NRK: variants seen among roughly 807,000 people sequenced by gnomAD.
The protein encoded by NRK is nik-related protein kinase.
Under a neutral mutation model 125.2 loss-of-function variants are expected in NRK, and 67 were observed. The observed-to-expected ratio is 0.54, with a 90% CI of 0.44 to 0.66. The LOEUF is 0.66. NRK is among the 30% of genes least tolerant of loss of function. The pLI, the probability that NRK is intolerant of heterozygous loss-of-function variation, is 0.00. For missense variants in NRK, 1,224 were observed against 1,192.9 expected, an observed-to-expected ratio of 1.03 and a Z score of -0.38; for synonymous variants, 458 against 429.0, an observed-to-expected ratio of 1.07 and a Z score of -0.84.
chrX:105,852,634 T>A (rs994956474), intron 2 of NRK, among the ~76,000 whole-genome samples: 9 of 111,530 alleles, frequency 8.1e-5, no homozygotes, highest in Non-Finnish European at 1.3e-4. Flanking sequence ...GCAGCAGGAT[T>A]TGAACAAAGC....
chrX:105,844,122 G>A (rs2039371250), intron 2 of NRK, among the ~76,000 whole-genome samples: 1 of 108,351 alleles, frequency 9.2e-6, no homozygotes, highest in East Asian at 2.9e-4. Context: ...TGAACAGTTA[G>A]TCACCATATG....
intron 19 of NRK, among the ~76,000 whole-genome samples, chrX:105,930,358 G>T (rs1208298460): frequency 9.2e-6 from 1 of 108,913 alleles, no homozygotes; most frequent in Non-Finnish European, 1.9e-5. Context: ...AGCTATTGAA[G>T]CTCTGTATTG....
At chrX:105,872,567 A>G (rs1214107632) in intron 2 of NRK, among the ~76,000 whole-genome samples, 1 of 110,833 alleles carries the variant, frequency 9.0e-6, no homozygotes, top group Non-Finnish European at 1.9e-5. Flanking sequence ...ACTACTACCA[A>G]TCTGTGGTAG....
chrX:105,856,420 C>T (rs2039532429), intron 2 of NRK, among the ~76,000 whole-genome samples: 1 of 112,113 alleles, frequency 8.9e-6, no homozygotes, highest in East Asian at 2.8e-4. Flanking sequence ...TATTTGATAA[C>T]ATTTGAATGT....
chrX:105,827,395 C>G (rs906953830), intron 1 of NRK, among the ~76,000 whole-genome samples: 2 of 111,940 alleles, frequency 1.8e-5, no homozygotes, highest in Non-Finnish European at 3.8e-5. Flanking sequence ...TTTCTTGCTA[C>G]TCATGTTGAC....
chrX:105,915,717 T>C lies in NRK; in HGVS notation c.2350-13T>C. ...TCAAGAATTCTACTGAAGTATTGCA[T>C]TGTGTCTTTAAGGTTCAAGAGAGAT... is the stretch of plus-strand genomic sequence containing the variant. On this transcript the variant is annotated splice_polypyrimidine_tract_variant and intron_variant, in intron 14 of 28. Coordinates refer to ENST00000243300, the MANE Select transcript of NRK (RefSeq NM_198465.4). 2 of 1,037,212 alleles carry C rather than the reference T, an allele frequency of 1.9e-6. No individual in the cohort carries two copies. The highest frequency in any genetic ancestry group is 1.3e-6 in the Non-Finnish European group (1 of 745,011). The allele number at this position is 1,037,212 out of a possible 1,213,427, so 85.5% of individuals were successfully genotyped here.
At chrX:105,888,229 C>T (rs2039972643) in intron 4 of NRK, 65 bp from the exon 5 acceptor site, 5 of 962,064 alleles carry the variant, frequency 5.2e-6, no homozygotes, top group Non-Finnish European at 5.6e-6. Flanking sequence ...ATATACTGTA[C>T]TTTAGGGACT....
Position 105,924,699 on chromosome X carries a change from A to G in NRK, c.2980A>G (p.Ser994Gly), listed in dbSNP as rs768893519. ...TTAATTGGAGCTTGTTGTCAGGGCA[A>G]GCTATGGCAGAGATGGAAGCTGCAA... The part of the protein sequence containing the change: ...YYEAPSCPRA[S>G]YGRDGSCKQD... Residue 994 changes from serine to glycine, a missense_variant, in exon 19 of 29, where the codon AGC (serine) becomes GGC (glycine). Ser to Gly is a moderately conservative substitution (Grantham distance 56). Transcript: ENST00000243300. 2.5e-6 allele frequency: 3 copies of G among 1,189,115 alleles called. No homozygotes were observed. The highest frequency in any genetic ancestry group is 2.3e-6 in the Non-Finnish European group (2 of 884,093).
Position 105,955,752 on chromosome X carries a change from G to A in NRK, c.*152G>A. ...TAATGTAGCACAGAATAGTTTTAAT[G>A]AGAAATGCAGCTTTATGTATAAAAT... On this transcript the variant is annotated 3_prime_UTR_variant, in exon 29 of 29. Transcript: ENST00000243300. The A allele has an allele frequency of 4.9e-6, 2 of 405,154 alleles. No homozygotes were observed. The highest frequency in any genetic ancestry group is 7.9e-5 in the East Asian group (2 of 25,374). 33.4% of individuals were successfully genotyped at this position (405,154 alleles called of 1,213,427 possible).
At chrX:105,951,452 A>G (rs928462475) in intron 27 of NRK, among the ~76,000 whole-genome samples, 4 of 111,640 alleles carry the variant, frequency 3.6e-5, no homozygotes, top group Non-Finnish European at 7.5e-5. Flanking sequence ...CTATAAGAAC[A>G]TGATACTTTA....
intron 4 of NRK, 66 bp downstream of exon 4, chrX:105,881,845 T>C: frequency 1.7e-6 from 1 of 603,105 alleles, no homozygotes; most frequent in Non-Finnish European, 2.7e-6. Flanking sequence ...TTTTAACTTA[T>C]CCCTTTGCAT....
intron 1 of NRK, among the ~76,000 whole-genome samples, chrX:105,828,991 C>T (rs1308035753): frequency 8.9e-6 from 1 of 111,885 alleles, no homozygotes; most frequent in Non-Finnish European, 1.9e-5. Context: ...CTTTATCTAA[C>T]AATGCTTTTA....
In NRK at chrX:105,889,854, T is replaced by C. The variant is rs1402874734; in HGVS notation, c.378+1435T>C. On this transcript the variant is annotated intron_variant, in intron 5 of 28. Transcript: ENST00000243300. ...GCCTGGCCCATGAAACCATTTTTTT[T>C]CCTCCTAGGCCTCTGGGCCTGTGAT... Among the ~76,000 whole-genome samples, 9 of 111,946 alleles carry C rather than the reference T, an allele frequency of 8.0e-5. No individual in the cohort carries two copies. The Admixed American group carries it at 8.5e-4, about 11-fold the overall frequency.
At position 105,909,587 on chromosome X, in the gene NRK, G is replaced by A. The variant is rs376634125; in HGVS notation, c.1946G>A (p.Arg649Gln). ...GAGGGACTATCAAGAGACTTGCTTC[G>A]GGCACCAAACTCAAATAACTCAAAG... ...LIEGLSRDLL[R>Q]APNSNNSKPL... The change falls in exon 13 of 29, where the codon CGG becomes CAG. Residue 649 changes from arginine (R) to glutamine (Q), a missense_variant. By Grantham distance (43) the Arg-to-Gln change is conservative (BLOSUM62 1). Coordinates refer to ENST00000243300, the MANE Select transcript of NRK (RefSeq NM_198465.4). The A allele has an allele frequency of 1.1e-5, 13 of 1,203,206 alleles. No individual in the cohort carries two copies. The highest frequency in any genetic ancestry group is 6.6e-5 in the Admixed American group (3 of 45,141).
intron 21 of NRK, among the ~76,000 whole-genome samples, 197 bp from the exon 22 acceptor site, chrX:105,937,242 C>G (rs1373851417): frequency 3.6e-5 from 4 of 110,022 alleles, no homozygotes; most frequent in African/African-American, 1.3e-4. Flanking sequence ...GATAAGTCAT[C>G]TTTACATAGA....
chrX:105,867,691 T>C (rs890076374), intron 2 of NRK, among the ~76,000 whole-genome samples: 2 of 111,928 alleles, frequency 1.8e-5, no homozygotes, highest in African/African-American at 6.5e-5. Flanking sequence ...ATATTAGCAG[T>C]TTGTTCCATA....
rs374255279 is a variant in NRK at position 105,923,393 on chromosome X, T to C, written c.2886T>C (p.Ala962=). ...ACTTGGATAACCAGGTTGATCAGGC[T>C]AATGATGTTTGTAAAGACCATGATG... ...NDDLDNQVDQ[A]NDVCKDHDDD... is the part of the protein sequence containing the mutation. Residue 962 remains alanine, a synonymous_variant, in exon 18 of 29, where the codon GCT becomes GCC. Coordinates refer to ENST00000243300, the MANE Select transcript of NRK (RefSeq NM_198465.4). 1.2e-4 allele frequency: 138 copies of C among 1,154,278 alleles called. 1 individual carries two copies. In the Middle Eastern group the frequency reaches 2.1e-3, roughly 18 times the overall value.
chrX:105,893,857 G>T lies in NRK; in HGVS notation c.404G>T (p.Gly135Val). The change falls in exon 6 of 29, where the codon GGT becomes GTT. Residue 135 changes from glycine to valine, a missense_variant. Gly to Val is a moderately radical substitution (Grantham distance 109). Coordinates refer to ENST00000243300, the MANE Select transcript of NRK (RefSeq NM_198465.4). ...ATGGTGATGGAGTTATGTGCAGCAG[G>T]TTCGGTCACTGATGTAGTGAGAATG... is the stretch of plus-strand genomic sequence containing the variant. ...LWMVMELCAA[G>V]SVTDVVRMTS... 1 of 1,197,752 alleles carries T rather than the reference G, an allele frequency of 8.3e-7. No individual in the cohort carries two copies. Among genetic ancestry groups the T allele is most frequent in the Non-Finnish European group, 1.1e-6 (1 of 883,172 alleles).
chrX:105,845,815 A>G (rs571504140), intron 2 of NRK, among the ~76,000 whole-genome samples: 4 of 111,567 alleles, frequency 3.6e-5, no homozygotes, highest in African/African-American at 1.3e-4. Context: ...CTTCTGGCAA[A>G]TGTTTTGTAG....
Sources: allele counts gnomAD v4.1 joint callset (sites outside exome capture counted in the v4.1 genomes callset), GRCh38; gene constraint gnomAD v4.1.1; transcripts MANE v1.5; gene names NCBI Gene and HGNC (gene_info 2026-07-23, HGNC 2026-07-21).